PIEZO2: variants seen among roughly 807,000 people sequenced by gnomAD.
PIEZO2 encodes piezo-type mechanosensitive ion channel component 2.
PIEZO2 carries 172 observed loss-of-function variants against 337.3 expected under a neutral mutation model. That is an observed-to-expected ratio of 0.51 (90% CI 0.45 to 0.58). The LOEUF (loss-of-function observed/expected upper bound fraction) is 0.58, where lower values mean the gene tolerates loss of function less well. Ranked by LOEUF, PIEZO2 falls within the 20% of genes least tolerant of loss-of-function variation. The pLI, the probability that PIEZO2 is intolerant of heterozygous loss-of-function variation, is 0.00. For missense variants in PIEZO2, 3,028 were observed against 3,391.3 expected, an observed-to-expected ratio of 0.89 and a Z score of 2.66; for synonymous variants, 1,251 against 1,228.5, an observed-to-expected ratio of 1.02 and a Z score of -0.38.
intron 3 of PIEZO2, among the ~76,000 whole-genome samples, chr18:10,946,795 C>A (rs753698493): frequency 1.3e-5 from 2 of 151,960 alleles, no homozygotes; most frequent in Non-Finnish European, 2.9e-5. Flanking sequence ...ATCCAAAACA[C>A]CTATGATAGA....
chr18:10,687,308 C>T (rs1054340215), intron 49 of PIEZO2, among the ~76,000 whole-genome samples: 6 of 151,918 alleles, frequency 3.9e-5, no homozygotes, highest in Non-Finnish European at 8.8e-5. Context: ...ATGACAGGCC[C>T]GCCCCAGTGT....
Position 10,715,728 on chromosome 18 carries a change from G to A in PIEZO2, c.5178C>T (p.Asn1726=), listed in dbSNP as rs1363436340. Reference sequence around the variant, plus strand: ...TATCAATATGCTCCCTTGAAATGGAGTTAAGCCAAGTAGTGAAACTGTCCA... The same window carrying A: ...TATCAATATGCTCCCTTGAAATGGAATTAAGCCAAGTAGTGAAACTGTCCA... ...ATVDSFTTWL[N]SISREHIDIS... is the part of the protein sequence containing the mutation. Residue 1726 remains asparagine, a synonymous_variant, in exon 38 of 56, where the codon AAC becomes AAT. Coordinates refer to ENST00000674853, the MANE Select transcript of PIEZO2 (RefSeq NM_001378183.1). 3.3e-6 allele frequency: 5 copies of A among 1,536,114 alleles called. No individual in the cohort carries two copies. In the African/African-American group the frequency reaches 4.1e-5, roughly 13 times the overall value.
rs116240775 is a variant in PIEZO2, at chr18:10,697,445, A to T, written c.6827+303T>A. On this transcript the variant is annotated intron_variant, in intron 45 of 55. Transcript: ENST00000674853. Reference sequence around the variant, plus strand: ...CCAGCATTGACACTGTATTCCTCTCAGTCTGGCTGGACTTCACCATGATAA... The same window carrying T: ...CCAGCATTGACACTGTATTCCTCTCTGTCTGGCTGGACTTCACCATGATAA... Among the ~76,000 whole-genome samples, 1,597 of 152,346 alleles carry T rather than the reference A, an allele frequency of 0.01. 22 individuals are homozygous for T. The highest frequency in any genetic ancestry group is 0.037 in the African/African-American group (1,525 of 41,576).
At position 10,689,730 on chromosome 18, in the gene PIEZO2, G is replaced by A; in HGVS notation, c.7422C>T (p.Ser2474=). ...CCTCCACACAGATCCAGCTGGACAG[G>A]CTCAAAGTTGTGTCCGTCCACACCC... is the stretch of plus-strand genomic sequence containing the variant. ...MDWVWTDTTL[S]LSSWICVEDI... is the part of the protein sequence containing the mutation. The change falls in exon 49 of 56, where the codon AGC becomes AGT. Residue 2474 remains serine, a synonymous_variant. Transcript: ENST00000674853. 1.2e-6 allele frequency: 2 copies of A among 1,614,150 alleles called. No individual in the cohort carries two copies. Among genetic ancestry groups the A allele is most frequent in the South Asian group, 1.1e-5 (1 of 91,076 alleles).
chr18:10,912,653 G>A (rs959596906), intron 3 of PIEZO2, among the ~76,000 whole-genome samples: 30 of 152,092 alleles, frequency 2.0e-4, no homozygotes, highest in Admixed American at 3.3e-4. Flanking sequence ...CTTCATCTTC[G>A]GATGGCCACT....
intron 7 of PIEZO2, among the ~76,000 whole-genome samples, chr18:10,814,679 G>T (rs1279130703): frequency 6.6e-6 from 1 of 152,132 alleles, no homozygotes; most frequent in Non-Finnish European, 1.5e-5. Flanking sequence ...TTCTCATACC[G>T]TTTTCCCTGG....
chr18:10,688,168 CCT>C (rs1223178377), intron 49 of PIEZO2, among the ~76,000 whole-genome samples: 2 of 152,022 alleles, frequency 1.3e-5, no homozygotes, highest in Non-Finnish European at 2.9e-5. Flanking sequence ...CCCCCTACCC[CCT>C]GACAGGCCCT....
chr18:11,034,784 G>C (rs1437446971), intron 2 of PIEZO2, among the ~76,000 whole-genome samples: 3 of 152,260 alleles, frequency 2.0e-5, no homozygotes, highest in African/African-American at 7.2e-5. Context: ...GGTGGAGGTT[G>C]CAGTGAGCCA....
rs551108370 is a variant in PIEZO2, at chr18:10,905,278, C to T, written c.329+5908G>A. ...GTGTATCTCTCCATGCCATGTACTG[C>T]GGGCTTATAAACTTACAAGGTTGGC... On this transcript the variant is annotated intron_variant, in intron 4 of 55. Coordinates refer to ENST00000674853, the MANE Select transcript of PIEZO2 (RefSeq NM_001378183.1). Among the ~76,000 whole-genome samples, 210 of 152,138 alleles carry T rather than the reference C, an allele frequency of 1.4e-3. No individual in the cohort carries two copies. The Middle Eastern group carries it at 0.044, about 32-fold the overall frequency.
In PIEZO2 at chr18:10,705,329, C is replaced by T. The variant is rs2035530923; in HGVS notation, c.5999+7G>A. 1 of 1,527,248 alleles carries T rather than the reference C, an allele frequency of 6.5e-7. No individual in the cohort carries two copies. Among genetic ancestry groups the T allele is most frequent in the Admixed American group, 2.0e-5 (1 of 50,514 alleles). The allele number at this position is 1,527,248 out of a possible 1,614,324, so 94.6% of individuals were successfully genotyped here. A position where few individuals can be genotyped will look rare whatever the true frequency, so the allele number is the denominator to read the frequency against. On this transcript the variant is annotated splice_region_variant and intron_variant, in intron 41 of 55. Transcript: ENST00000674853. ...ATATGTGTCTGATCTGTTCACTGGA[C>T]CCTTACTTTTTCAGCAGCAGCTCGC... is the stretch of plus-strand genomic sequence containing the variant.
In PIEZO2 at chr18:10,903,438, C is replaced by T. The variant is rs551043501; in HGVS notation, c.329+7748G>A. On this transcript the variant is annotated intron_variant, in intron 4 of 55. Coordinates refer to ENST00000674853, the MANE Select transcript of PIEZO2 (RefSeq NM_001378183.1). This position sits in a 1 kb window ranked among gnomAD's most constrained non-coding sequence, Gnocchi z 4.1. ...ATCCCAGCACTTTGAGAGGCCAAGG[C>T]GGGCGGATCATGAGGTCAAGAGATC... Among the ~76,000 whole-genome samples the T allele has an allele frequency of 3.4e-3, 511 of 152,202 alleles. 4 individuals carry two copies. The highest frequency in any genetic ancestry group is 3.7e-3 in the Non-Finnish European group (251 of 67,986).
At chr18:10,697,630 G>A (rs757208824) in intron 45 of PIEZO2, 118 bp downstream of exon 45, 26 of 1,341,574 alleles carry the variant, frequency 1.9e-5, no homozygotes, top group East Asian at 1.4e-4. Context: ...TCTGCCTTAC[G>A]CAGATAACAT....
At chr18:10,849,357 G>T (rs755878758) in intron 7 of PIEZO2, among the ~76,000 whole-genome samples, 1 of 152,176 alleles carries the variant, frequency 6.6e-6, no homozygotes, top group African/African-American at 2.4e-5. Flanking sequence ...TCACAAGGAC[G>T]CAGGCTGTGA....
chr18:11,099,894 G>T lies in PIEZO2; in HGVS notation c.65-33672C>A, dbSNP rs952042321. Among the ~76,000 whole-genome samples the T allele has an allele frequency of 6.6e-6, 1 of 152,034 alleles. No homozygotes were observed. Among genetic ancestry groups the T allele is most frequent in the Non-Finnish European group, 1.5e-5 (1 of 68,010 alleles). On this transcript the variant is annotated intron_variant, in intron 1 of 55. Transcript: ENST00000674853. The surrounding 1 kb of genome is among the most constrained non-coding windows in gnomAD (Gnocchi z 5.4). ...GTTATTTCTCTTTTATTCCAGCTGA[G>T]TTGTTATAATCTCTTATGTATCATA...
rs1567960957 is a variant in PIEZO2 at position 10,698,865 on chromosome 18, CAG to C, written c.6694+58_6694+59del. On this transcript the variant is annotated intron_variant, in intron 44 of 55. Coordinates refer to ENST00000674853, the MANE Select transcript of PIEZO2 (RefSeq NM_001378183.1). Reference sequence around the variant, plus strand: ...TCCCTTGCCCCAGACCCACAGGCACCAGAAAAACAAGGCCACCTGGGAGCTAA... The same window carrying C: ...TCCCTTGCCCCAGACCCACAGGCACCAAAAACAAGGCCACCTGGGAGCTAA... 19 of 1,525,962 alleles carry C rather than the reference CAG, an allele frequency of 1.2e-5. No homozygotes were observed. The South Asian group carries it at 2.3e-4, about 18-fold the overall frequency. The allele number at this position is 1,525,962 out of a possible 1,614,324, so 94.5% of individuals were successfully genotyped here.
chr18:10,725,486 T>A, intron 36 of PIEZO2: 1 of 1,496,018 alleles, frequency 6.7e-7, no homozygotes, highest in Non-Finnish European at 9.1e-7. Flanking sequence ...TCCGGGTGGA[T>A]GGGTAGGCAT....
rs1044491158 is a variant in PIEZO2, at chr18:10,855,253, G to T, written c.917+100C>A. ...TCTTTGCTTAACACAGCAATTGCCT[G>T]CCATCAAGAATAACCCCTGTAAATT... On this transcript the variant is annotated intron_variant, in intron 7 of 55. Transcript: ENST00000674853. The surrounding 1 kb of genome is among the most constrained non-coding windows in gnomAD (Gnocchi z 4.9). The T allele has an allele frequency of 1.9e-6, 2 of 1,054,960 alleles. No individual in the cohort carries two copies. Among genetic ancestry groups the T allele is most frequent in the Non-Finnish European group, 2.7e-6 (2 of 728,418 alleles). 65.3% of individuals were successfully genotyped at this position (1,054,960 alleles called of 1,614,324 possible).
chr18:11,034,502 C>G (rs1425678749), intron 2 of PIEZO2, among the ~76,000 whole-genome samples: 1 of 152,030 alleles, frequency 6.6e-6, no homozygotes, highest in African/African-American at 2.4e-5. Context: ...GCCGTGTTAG[C>G]CAGGATGGTC....
At chr18:10,691,112 G>T in intron 48 of PIEZO2, 113 bp downstream of exon 48, 1 of 1,227,656 alleles carries the variant, frequency 8.1e-7, no homozygotes, top group Non-Finnish European at 1.1e-6. Flanking sequence ...GTTCCACAAC[G>T]ATTCCCACTG....
Sources: gnomAD v4.1 joint callset for allele counts (sites outside exome capture counted in the v4.1 genomes callset) on GRCh38, gnomAD v4.1.1 for gene constraint, Gnocchi (gnomAD v3.1) non-coding constraint, MANE v1.5 for transcripts, NCBI Gene and HGNC (gene_info 2026-07-23, HGNC 2026-07-21) for gene names.